KHDRBS2: variants seen among roughly 807,000 people sequenced by gnomAD.
KHDRBS2 encodes the protein KH RNA binding domain containing, signal transduction associated 2, also known as KH domain-containing, RNA-binding, signal transduction-associated protein 2.
In KHDRBS2, 26 loss-of-function variants were observed where a neutral mutation model predicts 44.3. The observed-to-expected ratio is 0.59, with a 90% confidence interval of 0.43 to 0.81. The LOEUF is 0.81. Ranked by LOEUF, KHDRBS2 falls within the 40% of genes least tolerant of loss-of-function variation. The probability of loss-of-function intolerance (pLI) is 0.00; values close to 1 mark genes in which losing one functional copy is unlikely to be tolerated. For missense variants in KHDRBS2, 476 were observed against 433.1 expected, an observed-to-expected ratio of 1.10 and a Z score of -0.88; for synonymous variants, 194 against 151.1, an observed-to-expected ratio of 1.28 and a Z score of -2.08.
the KHDRBS2 span, among the ~76,000 whole-genome samples, chr6:61,610,835 A>G: frequency 6.6e-6 from 1 of 152,234 alleles, no homozygotes; most frequent in Admixed American, 6.5e-5. Flanking sequence ...GAAGTACCAA[A>G]TAATTTGTGA....
At position 61,866,359 on chromosome 6, in the gene KHDRBS2, G is replaced by A. The variant is rs954980754; in HGVS notation, c.810+28276C>T. Reference sequence around the variant, plus strand: ...CCAAGGTTTGAGGCTTGCACACTCTGAGGCCACGGTCCGAGCTCTATGTCG... The same window carrying A: ...CCAAGGTTTGAGGCTTGCACACTCTAAGGCCACGGTCCGAGCTCTATGTCG... On this transcript the variant is annotated intron_variant, in intron 6 of 8. Transcript: ENST00000281156. Among the ~76,000 whole-genome samples the A allele has an allele frequency of 5.9e-5, 9 of 152,332 alleles. No homozygotes were observed. The South Asian group carries it at 1.0e-3, about 18-fold the overall frequency.
At chr6:61,946,779 A>G (rs1813451424) in intron 4 of KHDRBS2, among the ~76,000 whole-genome samples, 1 of 152,152 alleles carries the variant, frequency 6.6e-6, no homozygotes, top group Non-Finnish European at 1.5e-5. Context: ...AGCTACTGCC[A>G]AGGATGTTGA....
chr6:62,147,010 G>T (rs1429922171), intron 2 of KHDRBS2, among the ~76,000 whole-genome samples: 1 of 151,896 alleles, frequency 6.6e-6, no homozygotes, highest in Non-Finnish European at 1.5e-5. Context: ...TTTACACTCA[G>T]TTGTTTAGAT....
chr6:62,107,917 T>G (rs1341481181), intron 2 of KHDRBS2, among the ~76,000 whole-genome samples: 2 of 152,122 alleles, frequency 1.3e-5, no homozygotes, highest in Non-Finnish European at 2.9e-5. Flanking sequence ...CTGGATCCCT[T>G]CCTTACACCT....
At chr6:62,181,974 C>G (rs541292770) in intron 1 of KHDRBS2, among the ~76,000 whole-genome samples, 1 of 151,864 alleles carries the variant, frequency 6.6e-6, no homozygotes, top group Non-Finnish European at 1.5e-5. Flanking sequence ...AACTTCAGAG[C>G]TATGATAAAT....
the KHDRBS2 span, among the ~76,000 whole-genome samples, chr6:61,615,233 C>CAAAAAAAAAAAAAAAAAAAAAA: frequency 4.1e-4 from 24 of 58,568 alleles, no homozygotes; most frequent in Non-Finnish European, 4.9e-4. Context: ...ACTCCATCTC[C>CAAAAAAAAAAAAAAAAAAAAAA]AAAAAAAAAA....
the KHDRBS2 span, among the ~76,000 whole-genome samples, chr6:61,554,996 TC>T: frequency 6.6e-6 from 1 of 152,272 alleles, no homozygotes; most frequent in East Asian, 1.9e-4. Flanking sequence ...CTGGAGGTGG[TC>T]TTCTTGTTTC....
At chr6:61,771,501 G>A (rs1267517883) in intron 6 of KHDRBS2, among the ~76,000 whole-genome samples, 1 of 152,032 alleles carries the variant, frequency 6.6e-6, no homozygotes, top group Non-Finnish European at 1.5e-5. Context: ...GATCTACCAA[G>A]CAAATGGAAG....
chr6:62,057,963 T>C (rs1311473610), intron 2 of KHDRBS2, among the ~76,000 whole-genome samples: 3 of 151,964 alleles, frequency 2.0e-5, no homozygotes, highest in Admixed American at 6.6e-5. Flanking sequence ...ATTTTTAACA[T>C]AGTTTACCCA....
chr6:62,094,308 A>T (rs910918839), intron 2 of KHDRBS2, among the ~76,000 whole-genome samples: 1 of 151,718 alleles, frequency 6.6e-6, no homozygotes, highest in African/African-American at 2.4e-5. Flanking sequence ...GCATTTTTTC[A>T]TATGTCTCCT....
intron 7 of KHDRBS2, among the ~76,000 whole-genome samples, chr6:61,723,179 A>T (rs1458438477): frequency 6.6e-6 from 1 of 151,498 alleles, no homozygotes; most frequent in Non-Finnish European, 1.5e-5. Context: ...AAACAAACAA[A>T]CAGAAAACAA....
chr6:62,034,493 T>C (rs949426058), intron 3 of KHDRBS2, among the ~76,000 whole-genome samples: 8 of 151,568 alleles, frequency 5.3e-5, no homozygotes, highest in Non-Finnish European at 1.5e-5. Flanking sequence ...GTTCAACACA[T>C]GCAAATCAAT....
intron 6 of KHDRBS2, among the ~76,000 whole-genome samples, chr6:61,867,462 C>G (rs2127299752): frequency 6.6e-6 from 1 of 152,298 alleles, no homozygotes; most frequent in African/African-American, 2.4e-5. Flanking sequence ...GTCATTTCAG[C>G]TGTCTCAGCC....
At chr6:61,801,462 A>T (rs1786259819) in intron 6 of KHDRBS2, among the ~76,000 whole-genome samples, 1 of 152,166 alleles carries the variant, frequency 6.6e-6, no homozygotes, top group Non-Finnish European at 1.5e-5. Flanking sequence ...GAAAATGTGC[A>T]TTGGATTTGT....
intron 6 of KHDRBS2, among the ~76,000 whole-genome samples, chr6:61,820,041 G>T (rs527915795): frequency 6.6e-5 from 10 of 152,176 alleles, no homozygotes; most frequent in African/African-American, 1.9e-4. Context: ...ACTAGAAAGT[G>T]GTAAAGCCAA....
intron 1 of KHDRBS2, among the ~76,000 whole-genome samples, chr6:62,210,303 T>C (rs1828800139): frequency 6.8e-6 from 1 of 148,072 alleles, no homozygotes; most frequent in Non-Finnish European, 1.5e-5. Flanking sequence ...TAAAGGAAAA[T>C]AAAAGGCACA....
chr6:61,829,234 T>G (rs917741933), intron 6 of KHDRBS2, among the ~76,000 whole-genome samples: 1 of 152,194 alleles, frequency 6.6e-6, no homozygotes, highest in Admixed American at 6.5e-5. Context: ...CAATCTCGGA[T>G]CACTGCAACC....
At chr6:61,580,797 T>A in the KHDRBS2 span, among the ~76,000 whole-genome samples, 2 of 152,148 alleles carry the variant, frequency 1.3e-5, no homozygotes, top group Non-Finnish European at 2.9e-5. Flanking sequence ...CATCTGAACA[T>A]CTGAAGGAAC....
intron 6 of KHDRBS2, among the ~76,000 whole-genome samples, chr6:61,884,492 T>C (rs1800639954): frequency 6.6e-6 from 1 of 152,066 alleles, no homozygotes; most frequent in Non-Finnish European, 1.5e-5. Flanking sequence ...CTGGAAACTG[T>C]TTTGTCTACC....
Sources: gnomAD v4.1 joint callset for allele counts (sites outside exome capture counted in the v4.1 genomes callset) on GRCh38, gnomAD v4.1.1 for gene constraint, MANE v1.5 for transcripts, NCBI Gene and HGNC (gene_info 2026-07-23, HGNC 2026-07-21) for gene names.